ANKRD44: variants seen among roughly 807,000 people sequenced by gnomAD.
ANKRD44 encodes the protein serine/threonine-protein phosphatase 6 regulatory ankyrin repeat subunit B.
Under a neutral mutation model 116.0 loss-of-function variants are expected in ANKRD44, and 35 were observed. The ratio of observed to expected loss-of-function variants is 0.30; its 90% CI spans 0.23 to 0.40. ANKRD44 has a LOEUF of 0.40. Among genes scored for constraint, ANKRD44 ranks in the 10% least tolerant of loss-of-function variants. The probability of loss-of-function intolerance (pLI) is 1.00; values close to 1 mark genes in which losing one functional copy is unlikely to be tolerated. For synonymous variants in ANKRD44, 435 were observed against 461.8 expected, an observed-to-expected ratio of 0.94 and a Z score of 0.74; for missense variants, 1,014 against 1,242.6, an observed-to-expected ratio of 0.82 and a Z score of 2.77.
chr2:197,112,633 G>A (rs564083397), intron 8 of ANKRD44, among the ~76,000 whole-genome samples: 6 of 151,566 alleles, frequency 4.0e-5, no homozygotes, highest in South Asian at 2.1e-4. Context: ...GCGTGAACCC[G>A]GGAGGCGGAG....
rs543831881 is a variant in ANKRD44 at position 196,980,811 on chromosome 2, C to T, written c.2368+12772G>A. ...ACCATTTTTACTTTGTTAAAAGCTT[C>T]ATCCTAATCCTGGAACCGAATTTCA... On this transcript the variant is annotated intron_variant, in intron 21 of 21. Transcript: ENST00000424317. Among the ~76,000 whole-genome samples, 4 of 152,344 alleles carry T rather than the reference C, an allele frequency of 2.6e-5. No homozygotes were observed. The South Asian group carries it at 8.3e-4, about 32-fold the overall frequency.
chr2:197,282,284 T>C (rs560254456), intron 1 of ANKRD44, among the ~76,000 whole-genome samples: 2 of 152,196 alleles, frequency 1.3e-5, no homozygotes, highest in South Asian at 2.1e-4. Flanking sequence ...AACTACAGTG[T>C]CTACTGTGTT....
rs551540228 is a variant in ANKRD44, at chr2:197,085,469, A to G, written c.1316+1211T>C. Among the ~76,000 whole-genome samples, 5 of 152,262 alleles carry G rather than the reference A, an allele frequency of 3.3e-5. No homozygotes were observed. In the South Asian group the frequency reaches 1.0e-3, roughly 32 times the overall value. On this transcript the variant is annotated intron_variant, in intron 13 of 27. Coordinates refer to ENST00000282272, the MANE Select transcript of ANKRD44 (RefSeq NM_001195144.2). ...CTTAGGCATTCTAAGTCATAACATA[A>G]GACAGGAGGTCGGCACAAGATACCG...
intron 1 of ANKRD44, among the ~76,000 whole-genome samples, chr2:197,233,320 A>G (rs2081908942): frequency 6.6e-6 from 1 of 152,186 alleles, no homozygotes; most frequent in Non-Finnish European, 1.5e-5. Flanking sequence ...TGGTGCCACA[A>G]TTTCTTCCCA....
At chr2:197,149,770 C>T (rs1191602019) in intron 2 of ANKRD44, among the ~76,000 whole-genome samples, 2 of 152,112 alleles carry the variant, frequency 1.3e-5, no homozygotes, top group Non-Finnish European at 2.9e-5. Context: ...CGTGAATGAC[C>T]GAGCCACAGT....
chr2:197,179,481 G>A (rs1430812907), intron 2 of ANKRD44, among the ~76,000 whole-genome samples: 3 of 151,970 alleles, frequency 2.0e-5, no homozygotes, highest in African/African-American at 7.3e-5. Flanking sequence ...ATGAAGAAAG[G>A]GCCATATCCT....
At chr2:197,280,380 G>C (rs1417044007) in intron 1 of ANKRD44, among the ~76,000 whole-genome samples, 1 of 152,208 alleles carries the variant, frequency 6.6e-6, no homozygotes, top group African/African-American at 2.4e-5. Flanking sequence ...CGTAACAAAA[G>C]CACAAAGGGT....
At chr2:197,300,758 CTTTTTTTTTTT>C (rs112803787) in intron 1 of ANKRD44, among the ~76,000 whole-genome samples, 3 of 122,722 alleles carry the variant, frequency 2.4e-5, no homozygotes, top group Admixed American at 8.2e-5. Context: ...TTTCATTTTC[CTTTTTTTTTTT>C]TTTTTTTTTT....
At chr2:196,986,393 C>T (rs549956911), downstream of ANKRD44, among the ~76,000 whole-genome samples, 66 of 132,542 alleles carry the variant, frequency 5.0e-4, no homozygotes, top group East Asian at 1.2e-3. Flanking sequence ...TCAGCCTGGA[C>T]AACAGAGCAG....
At chr2:197,132,408 G>T (rs1260323811) in intron 4 of ANKRD44, among the ~76,000 whole-genome samples, 1 of 152,190 alleles carries the variant, frequency 6.6e-6, no homozygotes, top group African/African-American at 2.4e-5. Context: ...GTCAGGCATG[G>T]ATTCATATTT....
At chr2:197,010,937 T>C (rs1458999685) in intron 18 of ANKRD44, among the ~76,000 whole-genome samples, 2 of 152,232 alleles carry the variant, frequency 1.3e-5, no homozygotes, top group African/African-American at 2.4e-5. Flanking sequence ...TGGAATTAGC[T>C]TGCATTCATC....
intron 2 of ANKRD44, among the ~76,000 whole-genome samples, chr2:197,161,187 A>C (rs536940917): frequency 6.6e-6 from 1 of 152,200 alleles, no homozygotes; most frequent in Non-Finnish European, 1.5e-5. Flanking sequence ...GATTGACACG[A>C]GTGCTCCCAG....
chr2:197,169,119 C>T (rs969864482), intron 2 of ANKRD44, among the ~76,000 whole-genome samples: 7 of 152,168 alleles, frequency 4.6e-5, no homozygotes, highest in Admixed American at 4.6e-4. Flanking sequence ...CTCCTTCAGC[C>T]ACACTGGCCT....
At chr2:197,069,609 A>T (rs994952753) in intron 16 of ANKRD44, among the ~76,000 whole-genome samples, 3 of 152,206 alleles carry the variant, frequency 2.0e-5, no homozygotes, top group Non-Finnish European at 4.4e-5. Flanking sequence ...AGATATTAAC[A>T]AGATTGTCAG....
chr2:197,247,410 A>G (rs2082217022), intron 1 of ANKRD44, among the ~76,000 whole-genome samples: 1 of 152,160 alleles, frequency 6.6e-6, no homozygotes, highest in South Asian at 2.1e-4. Flanking sequence ...CTTACAATGT[A>G]CCCTTTTGTT....
rs2075880332 is a variant in ANKRD44 at position 196,989,442 on chromosome 2, A to G, written c.*149T>C. The G allele has an allele frequency of 7.9e-7, 1 of 1,262,390 alleles. No homozygotes were observed. Among genetic ancestry groups the G allele is most frequent in the Non-Finnish European group, 1.0e-6 (1 of 1,001,242 alleles). 78.2% of individuals were successfully genotyped at this position (1,262,390 alleles called of 1,614,324 possible). ...TCAGTTCTCACTTGCATTTTGAAGG[A>G]AAAAAATGTGTATCTTCCATTTTAG... On this transcript the variant is annotated 3_prime_UTR_variant, in exon 28 of 28. Transcript: ENST00000282272.
chr2:197,081,944 C>A (rs2077807503), intron 14 of ANKRD44, among the ~76,000 whole-genome samples: 1 of 152,320 alleles, frequency 6.6e-6, no homozygotes, highest in Middle Eastern at 3.4e-3. Flanking sequence ...TTTCTTAAAA[C>A]TTCCACTTAA....
intron 1 of ANKRD44, among the ~76,000 whole-genome samples, chr2:197,262,180 C>G (rs1478627874): frequency 6.6e-6 from 1 of 152,150 alleles, no homozygotes; most frequent in Non-Finnish European, 1.5e-5. Flanking sequence ...AAACAAAATC[C>G]AGACAGGAAG....
chr2:197,289,989 T>C (rs1041247594), intron 1 of ANKRD44, among the ~76,000 whole-genome samples: 3 of 151,706 alleles, frequency 2.0e-5, no homozygotes, highest in African/African-American at 7.3e-5. Context: ...GCCTCCCAAG[T>C]AGCTGAGATT....
Sources: allele counts gnomAD v4.1 joint callset (sites outside exome capture counted in the v4.1 genomes callset), GRCh38; gene constraint gnomAD v4.1.1; transcripts MANE v1.5; gene names NCBI Gene and HGNC (gene_info 2026-07-23, HGNC 2026-07-21).